The following ZC3H4 variants were observed in gnomAD, a reference collection of about 807,000 sequenced individuals.
ZC3H4 encodes zinc finger CCCH-type containing 4.
In ZC3H4, 13 loss-of-function variants were observed where a neutral mutation model predicts 108.3. The ratio of observed to expected loss-of-function variants is 0.12; its 90% CI spans 0.08 to 0.19. The LOEUF (loss-of-function observed/expected upper bound fraction) is 0.19, where lower values mean the gene tolerates loss of function less well. Among genes scored for constraint, ZC3H4 ranks in the 10% least tolerant of loss-of-function variants. The pLI, the probability that ZC3H4 is intolerant of heterozygous loss-of-function variation, is 1.00. For missense variants in ZC3H4, 1,734 were observed against 1,838.8 expected (o/e 0.94, Z 1.04); for synonymous variants, 917 against 749.6 (o/e 1.22, Z -3.65).
rs766438167 is a variant in ZC3H4 at position 47,085,175 on chromosome 19, T to G, written c.988A>C (p.Arg330=). ...RGRGLSRGRG[R]GSRGRGKGMG... is the part of the protein sequence containing the mutation. The stretch of plus-strand genomic sequence containing the variant: ...CCTTTCCCTCGACCTCGGGAGCCCC[T>G]GCCACGGCCTCGACTTAGCCCTGTG... Residue 330 remains arginine (R), a synonymous_variant, in exon 8 of 15, where the codon AGG becomes CGG. Coordinates refer to ENST00000253048, the MANE Select transcript of ZC3H4 (RefSeq NM_015168.2). The G allele has an allele frequency of 6.2e-7, 1 of 1,613,496 alleles. No homozygotes were observed. Among genetic ancestry groups the G allele is most frequent in the Admixed American group, 1.7e-5 (1 of 59,978 alleles).
chr19:47,109,913 C>T (rs1439801912), intron 2 of ZC3H4, among the ~76,000 whole-genome samples: 3 of 152,226 alleles, frequency 2.0e-5, no homozygotes, highest in African/African-American at 7.2e-5. Context: ...TTCTGCAAGT[C>T]ATTTCTGTTG....
intron 5 of ZC3H4, among the ~76,000 whole-genome samples, chr19:47,089,293 C>T (rs2057689518): frequency 6.6e-6 from 1 of 151,922 alleles, no homozygotes; most frequent in Admixed American, 6.6e-5. Flanking sequence ...CTGAGAACCC[C>T]TGCACTGGAA....
In ZC3H4 at chr19:47,088,025, T is replaced by G. The variant is rs574648172; in HGVS notation, c.716-1487A>C. 8.7e-5 allele frequency among the ~76,000 whole-genome samples: 13 copies of G among 149,694 alleles called. No individual in the cohort carries two copies. The East Asian group carries it at 2.4e-3, about 28-fold the overall frequency. On this transcript the variant is annotated intron_variant, in intron 5 of 14. Coordinates refer to ENST00000253048, the MANE Select transcript of ZC3H4 (RefSeq NM_015168.2). ...CATCTCTACTAAAACTACAAAAAAT[T>G]AGCCGGGCGTGGCGGCAAGCACCTG...
rs535992488 is a variant in ZC3H4, at chr19:47,067,271, G to A, written c.2997C>T (p.Pro999=). The change falls in exon 15 of 15, where the codon CCC becomes CCT. Residue 999 remains proline, a synonymous_variant. Coordinates refer to ENST00000253048, the MANE Select transcript of ZC3H4 (RefSeq NM_015168.2). This position sits in a 1 kb window ranked among gnomAD's most constrained non-coding sequence, Gnocchi z 6.4. ...IPKQDAVPPV[P]AALQSMPTLD... is the part of the protein sequence containing the mutation. ...GGGTGGGCATGGATTGCAGGGCCGC[G>A]GGCACGGGGGGCACTGCGTCCTGCT... 1.8e-5 allele frequency: 29 copies of A among 1,587,376 alleles called. No homozygotes were observed. Among genetic ancestry groups the A allele is most frequent in the African/African-American group, 5.4e-5 (4 of 74,342 alleles).
At chr19:47,089,688 G>C (rs1488455054) in intron 5 of ZC3H4, among the ~76,000 whole-genome samples, 2 of 130,974 alleles carry the variant, frequency 1.5e-5, no homozygotes, top group African/African-American at 4.9e-5. Context: ...CCAGGTGAAA[G>C]AGAAGCTGTT....
chr19:47,091,770 G>A (rs2057735694), intron 4 of ZC3H4, among the ~76,000 whole-genome samples: 1 of 150,306 alleles, frequency 6.7e-6, no homozygotes, highest in Non-Finnish European at 1.5e-5. Context: ...GTGGGCGCCT[G>A]TAATCCCAGC....
intron 5 of ZC3H4, among the ~76,000 whole-genome samples, chr19:47,087,491 T>TG (rs1296702566): frequency 3.9e-5 from 6 of 151,982 alleles, no homozygotes; most frequent in Admixed American, 2.6e-4. Flanking sequence ...TCTCAGCACT[T>TG]TGGGAGGCCC....
At chr19:47,071,013 G>A (rs573169493) in intron 13 of ZC3H4, among the ~76,000 whole-genome samples, 4 of 152,244 alleles carry the variant, frequency 2.6e-5, no homozygotes, top group African/African-American at 7.2e-5. Flanking sequence ...CGCTGCCCTC[G>A]GAGGTCCCAT....
At chr19:47,077,877 A>G (rs79910334) in intron 11 of ZC3H4, among the ~76,000 whole-genome samples, 19 of 152,132 alleles carry the variant, frequency 1.2e-4, no homozygotes, top group African/African-American at 2.7e-4. Context: ...AAAAAAAAAA[A>G]AAGAAGGTAT....
At chr19:47,099,144 G>C (rs2057867537) in intron 2 of ZC3H4, among the ~76,000 whole-genome samples, 1 of 152,130 alleles carries the variant, frequency 6.6e-6, no homozygotes, top group Non-Finnish European at 1.5e-5. Context: ...ATGCTAAGTG[G>C]GAAGCATGTT....
At chr19:47,079,294 G>T (rs997179154) in intron 11 of ZC3H4, among the ~76,000 whole-genome samples, 5 of 151,494 alleles carry the variant, frequency 3.3e-5, no homozygotes, top group Admixed American at 1.3e-4. Flanking sequence ...ATCCCACAGT[G>T]GGGGGGTTAC....
chr19:47,097,837 C>T (rs1416562124), intron 2 of ZC3H4, among the ~76,000 whole-genome samples: 2 of 152,160 alleles, frequency 1.3e-5, no homozygotes, highest in African/African-American at 2.4e-5. Flanking sequence ...AAAAGCCTGC[C>T]GTGGCGGCCT....
At chr19:47,080,746 C>G (rs1483416045) in intron 11 of ZC3H4, among the ~76,000 whole-genome samples, 1 of 151,806 alleles carries the variant, frequency 6.6e-6, no homozygotes, top group Non-Finnish European at 1.5e-5. Flanking sequence ...CTCACTGCAA[C>G]CTCTGCCTCC....
chr19:47,089,511 G>A (rs1383242265), intron 5 of ZC3H4, among the ~76,000 whole-genome samples: 2 of 152,202 alleles, frequency 1.3e-5, no homozygotes, highest in Admixed American at 6.5e-5. Context: ...GGGCTACCGT[G>A]TCTCTGGTGC....
chr19:47,111,601 G>A (rs551539316), intron 2 of ZC3H4, among the ~76,000 whole-genome samples: 54 of 151,926 alleles, frequency 3.6e-4, no homozygotes, highest in Non-Finnish European at 6.5e-4. Flanking sequence ...AAAAGCGAGA[G>A]GACCCCTGCC....
chr19:47,112,722 T>G, intron 1 of ZC3H4, 133 bp from the exon 2 acceptor site: 1 of 462,020 alleles, frequency 2.2e-6, no homozygotes, highest in South Asian at 1.2e-4. Context: ...ACCTCTGCGC[T>G]GACCTCCGCG....
At chr19:47,093,719 G>A (rs2057775076) in intron 4 of ZC3H4, 1 of 377,364 alleles carries the variant, frequency 2.6e-6, no homozygotes, top group East Asian at 4.3e-5. Flanking sequence ...TGCCTCCTGA[G>A]TAGCTGGAAC....
chr19:47,105,840 A>G (rs1204899773), intron 2 of ZC3H4, among the ~76,000 whole-genome samples: 1 of 152,188 alleles, frequency 6.6e-6, no homozygotes, highest in African/African-American at 2.4e-5. Flanking sequence ...AATGCAAAAG[A>G]AAAAGATCAA....
At chr19:47,100,240 G>C (rs2057885715) in intron 2 of ZC3H4, among the ~76,000 whole-genome samples, 1 of 152,192 alleles carries the variant, frequency 6.6e-6, no homozygotes, top group Non-Finnish European at 1.5e-5. Flanking sequence ...AGCCATAGGG[G>C]AAACCTCACG....
Sources: gnomAD v4.1 joint callset for allele counts (sites outside exome capture counted in the v4.1 genomes callset) on GRCh38, gnomAD v4.1.1 for gene constraint, Gnocchi (gnomAD v3.1) non-coding constraint, MANE v1.5 for transcripts, NCBI Gene and HGNC (gene_info 2026-07-23, HGNC 2026-07-21) for gene names.